Variants in PPM1M observed in about 807,000 individuals in gnomAD.
PPM1M encodes protein phosphatase 1M.
In PPM1M, 44 loss-of-function variants were observed where a neutral mutation model predicts 50.8. That is an observed-to-expected ratio of 0.87 (90% CI 0.68 to 1.11). PPM1M has a LOEUF of 1.11. PPM1M is among the 50% of genes most tolerant of loss of function. The pLI, the probability that PPM1M is intolerant of heterozygous loss-of-function variation, is 0.00. For missense variants in PPM1M, 556 were observed against 593.4 expected, an observed-to-expected ratio of 0.94 and a Z score of 0.66; for synonymous variants, 224 against 242.9, an observed-to-expected ratio of 0.92 and a Z score of 0.72.
chr3:52,246,774 G>T lies in PPM1M; in HGVS notation c.304G>T (p.Gly102Trp), dbSNP rs1367487091. ...GKLCIRRCEF[G>W]AEEEWLTLCP... is the part of the protein sequence containing the mutation. ...GCTGTGCATCCGGAGATGTGAGTTT[G>T]GGGCTGAAGAAGAGTGGCTGACCCT... The change falls in exon 2 of 10, where the codon GGG (glycine) becomes TGG (tryptophan). Residue 102 changes from glycine to tryptophan, a missense_variant. Gly to Trp is a radical substitution (Grantham distance 184). Coordinates refer to ENST00000323588, the MANE Select transcript of PPM1M (RefSeq NM_144641.4). 7.4e-7 allele frequency: 1 copy of T among 1,356,578 alleles called. No homozygotes were observed. Among genetic ancestry groups the T allele is most frequent in the Admixed American group, 2.2e-5 (1 of 45,044 alleles). The allele number at this position is 1,356,578 out of a possible 1,614,324, so 84.0% of individuals were successfully genotyped here.
In PPM1M at chr3:52,246,782, A is replaced by G. The variant is rs1699863929; in HGVS notation, c.312A>G (p.Glu104=). The G allele has an allele frequency of 7.3e-7, 1 of 1,368,468 alleles. No individual in the cohort carries two copies. Among genetic ancestry groups the G allele is most frequent in the African/African-American group, 1.5e-5 (1 of 68,274 alleles). 84.8% of individuals were successfully genotyped at this position (1,368,468 alleles called of 1,614,324 possible). ...LCIRRCEFGA[E]EEWLTLCPEE... is the part of the protein sequence containing the mutation. ...TCCGGAGATGTGAGTTTGGGGCTGA[A>G]GAAGAGTGGCTGACCCTGTGCCCAG... The change falls in exon 2 of 10, where the codon GAA becomes GAG. Residue 104 remains glutamate, a synonymous_variant. Transcript: ENST00000323588.
At position 52,246,976 on chromosome 3, in the gene PPM1M, C is replaced by G; in HGVS notation, c.345C>G (p.Phe115Leu). 1 of 1,540,036 alleles carries G rather than the reference C, an allele frequency of 6.5e-7. No individual in the cohort carries two copies. Among genetic ancestry groups the G allele is most frequent in the Non-Finnish European group, 8.8e-7 (1 of 1,141,648 alleles). Reference sequence around the variant, plus strand: ...GACACTGAGCCCTTCCTGTGCAGTTCCTGACAGGCCATTACTGGGCACTGT... The same window carrying G: ...GACACTGAGCCCTTCCTGTGCAGTTGCTGACAGGCCATTACTGGGCACTGT... ...EEWLTLCPEEFLTGHYWALFD... is the reference protein window; with the variant it reads ...EEWLTLCPEELLTGHYWALFD... The change falls in exon 3 of 10, where the codon TTC (phenylalanine) becomes TTG (leucine). Residue 115 changes from phenylalanine to leucine, a missense_variant and splice_region_variant. Phe to Leu is a conservative substitution (Grantham distance 22). Transcript: ENST00000323588.
rs772399025 is a variant in PPM1M at position 52,248,404 on chromosome 3, G to T, written c.865G>T (p.Asp289Tyr). Residue 289 changes from aspartate (D) to tyrosine (Y), a missense_variant, in exon 6 of 10, where the codon GAT becomes TAT. Asp to Tyr is a radical substitution (Grantham distance 160). Coordinates refer to ENST00000323588, the MANE Select transcript of PPM1M (RefSeq NM_144641.4). The stretch of plus-strand genomic sequence containing the variant: ...GGAGTTCCCTCGGCGGCTGAAGGGG[G>T]ATGACTTGGGACAGAAGGTTTTGTT... ...RLEFPRRLKG[D>Y]DLGQKVLFRD... 8 of 1,613,864 alleles carry T rather than the reference G, an allele frequency of 5.0e-6. No homozygotes were observed. Among genetic ancestry groups the T allele is most frequent in the South Asian group, 2.2e-5 (2 of 91,076 alleles).
Position 52,248,703 on chromosome 3 carries a change from C to A in PPM1M, c.978+3C>A. 6.2e-7 allele frequency: 1 copy of A among 1,613,374 alleles called. No homozygotes were observed. The highest frequency in any genetic ancestry group is 1.1e-5 in the South Asian group (1 of 91,054). ...TGATCCATGGACAGGGTAGGCAGGT[C>A]AGTGCCTGGTCCTCCTCAACCCCAA... On this transcript the variant is annotated splice_donor_region_variant and intron_variant, in intron 7 of 9. Coordinates refer to ENST00000323588, the MANE Select transcript of PPM1M (RefSeq NM_144641.4).
Position 52,247,139 on chromosome 3 carries a change from T to G in PPM1M, c.508T>G (p.Cys170Gly). The G allele has an allele frequency of 3.1e-6, 5 of 1,611,756 alleles. No individual in the cohort carries two copies. Among genetic ancestry groups the G allele is most frequent in the Non-Finnish European group, 4.2e-6 (5 of 1,178,996 alleles). Residue 170 changes from cysteine (C) to glycine (G), a missense_variant, in exon 3 of 10, where the codon TGC becomes GGC. By Grantham distance (159) the Cys-to-Gly change is radical. Transcript: ENST00000323588. ...CATGCACCTCAATGGCCGCTGCATC[T>G]GCCCCAGTGACCCTCAGTTTGTGGA... ...PPMHLNGRCI[C>G]PSDPQFVEEK... is the part of the protein sequence containing the mutation.
chr3:52,247,880 A>AG, intron 4 of PPM1M, 86 bp downstream of exon 4: 1 of 873,760 alleles, frequency 1.1e-6, no homozygotes, highest in Non-Finnish European at 1.9e-6. Flanking sequence ...CTGGAAGTGG[A>AG]GGGATAGTAG....
chr3:52,249,551 C>A, intron 9 of PPM1M, 119 bp from the exon 10 acceptor site: 1 of 1,454,862 alleles, frequency 6.9e-7, no homozygotes, highest in Non-Finnish European at 9.4e-7. Context: ...TTGCTTGGTC[C>A]ACAGTCGGAC....
Position 52,246,062 on chromosome 3 carries a change from C to G in PPM1M, c.224+14C>G, listed in dbSNP as rs1433660797. 39 of 1,107,366 alleles carry G rather than the reference C, an allele frequency of 3.5e-5. No individual in the cohort carries two copies. The highest frequency in any genetic ancestry group is 5.7e-4 in the Middle Eastern group (2 of 3,506). The allele number at this position is 1,107,366 out of a possible 1,614,324, so 68.6% of individuals were successfully genotyped here. On this transcript the variant is annotated intron_variant, in intron 1 of 9. Transcript: ENST00000323588. ...AGGCTACGCCGAGTGAGTGCCCCTC[C>G]CCGACCCCCAGCTCAGGCCCGGGCC...
Position 52,247,163 on chromosome 3 carries a change from G to C in PPM1M, c.532G>C (p.Glu178Gln). 1 of 1,613,128 alleles carries C rather than the reference G, an allele frequency of 6.2e-7. No homozygotes were observed. The highest frequency in any genetic ancestry group is 1.3e-5 in the African/African-American group (1 of 75,058). Residue 178 changes from glutamate to glutamine, a missense_variant, in exon 3 of 10, where the codon GAG (glutamate) becomes CAG (glutamine). Glu to Gln is a conservative substitution (Grantham distance 29, BLOSUM62 2). Transcript: ENST00000323588. ...CICPSDPQFV[E>Q]EKGIRAEDLV... is the part of the protein sequence containing the mutation. Reference sequence around the variant, plus strand: ...CTGCCCCAGTGACCCTCAGTTTGTGGAGGAAAAGGGCATCAGGGCAGAAGA... The same window carrying C: ...CTGCCCCAGTGACCCTCAGTTTGTGCAGGAAAAGGGCATCAGGGCAGAAGA...
Position 52,247,728 on chromosome 3 carries a change from G to A in PPM1M, c.644G>A (p.Gly215Asp). Residue 215 changes from glycine to aspartate, a missense_variant, in exon 4 of 10, where the codon GGC (glycine) becomes GAC (aspartate). Gly to Asp is a moderately conservative substitution (Grantham distance 94). Transcript: ENST00000323588. ...RELEASGQMG[G>D]CTALVAVSLQ... Reference sequence around the variant, plus strand: ...CTGGAGGCCTCAGGCCAGATGGGCGGCTGCACAGCCCTGGTGGCTGTGTCC... The same window carrying A: ...CTGGAGGCCTCAGGCCAGATGGGCGACTGCACAGCCCTGGTGGCTGTGTCC... 1 of 1,607,856 alleles carries A rather than the reference G, an allele frequency of 6.2e-7. No individual in the cohort carries two copies. Among genetic ancestry groups the A allele is most frequent in the Admixed American group, 1.7e-5 (1 of 59,064 alleles).
intron 4 of PPM1M, 141 bp from the exon 5 acceptor site, chr3:52,248,012 C>G: frequency 7.3e-6 from 6 of 827,230 alleles, no homozygotes; most frequent in Non-Finnish European, 7.9e-6. Flanking sequence ...CCTTGCAGGT[C>G]TTAGGTAGTC....
At chr3:52,246,190 C>T (rs1005986768) in intron 1 of PPM1M, 142 bp downstream of exon 1, 5 of 1,012,504 alleles carry the variant, frequency 4.9e-6, no homozygotes, top group Non-Finnish European at 5.9e-6. Context: ...CCTCCGAATC[C>T]TGACAACTTC....
chr3:52,248,743 T>G lies in PPM1M; in HGVS notation c.978+43T>G, dbSNP rs555993841. ...CTCAACCCCAAGAATCCCTCTTCAT[T>G]GTCCCCTGCAGAGGTGGGAGCTCCT... is the stretch of plus-strand genomic sequence containing the variant. On this transcript the variant is annotated intron_variant, in intron 7 of 9. Transcript: ENST00000323588. The G allele has an allele frequency of 3.1e-5, 49 of 1,593,102 alleles. No individual in the cohort carries two copies. The South Asian group carries it at 5.1e-4, about 16-fold the overall frequency.
rs1699861670 is a variant in PPM1M at position 52,246,693 on chromosome 3, A to T, written c.225-2A>T. The T allele has an allele frequency of 3.1e-6, 4 of 1,305,216 alleles. No individual in the cohort carries two copies. The highest frequency in any genetic ancestry group is 2.3e-5 in the Admixed American group (1 of 43,592). The allele number at this position is 1,305,216 out of a possible 1,614,324, so 80.9% of individuals were successfully genotyped here. A position where few individuals can be genotyped will look rare whatever the true frequency, so the allele number is the denominator to read the frequency against. On this transcript the variant is annotated splice_acceptor_variant, in intron 1 of 9. Coordinates refer to ENST00000323588, the MANE Select transcript of PPM1M (RefSeq NM_144641.4). LOFTEE classifies it high-confidence loss of function. ...GGGTCGCTTACCATTTCCCGGCCTC[A>T]GGATTATCAATGCAGAGAAATCTGA... is the stretch of plus-strand genomic sequence containing the variant.
intron 7 of PPM1M, 49 bp from the exon 8 acceptor site, chr3:52,248,907 G>C: frequency 6.9e-7 from 1 of 1,441,202 alleles, no homozygotes; most frequent in Non-Finnish European, 9.6e-7. Flanking sequence ...TGGTACTTGT[G>C]CATTTGCTGG....
At position 52,249,808 on chromosome 3, in the gene PPM1M, C is replaced by G; in HGVS notation, c.1374C>G (p.Asp458Glu). The change falls in exon 10 of 10, where the codon GAC (aspartate) becomes GAG (glutamate). Residue 458 changes from aspartate to glutamate, a missense_variant. Coordinates refer to ENST00000323588, the MANE Select transcript of PPM1M (RefSeq NM_144641.4). ...PLHSQGQESS[D>E]H is the part of the protein sequence containing the mutation. The stretch of plus-strand genomic sequence containing the variant: ...ACAGTCAGGGCCAAGAGAGCAGTGA[C>G]CACTGAGGATTCAGACACTGTATCC... The G allele has an allele frequency of 6.2e-7, 1 of 1,612,632 alleles. No individual in the cohort carries two copies. The highest frequency in any genetic ancestry group is 8.5e-7 in the Non-Finnish European group (1 of 1,179,344).
Position 52,249,994 on chromosome 3 carries a change from G to C in PPM1M, c.*180G>C. The C allele has an allele frequency of 1.6e-6, 1 of 611,896 alleles. No individual in the cohort carries two copies. Among genetic ancestry groups the C allele is most frequent in the Admixed American group, 2.7e-5 (1 of 36,654 alleles). The allele number at this position is 611,896 out of a possible 1,614,324, so 37.9% of individuals were successfully genotyped here. ...CATTTATACCAGGCAGTCAGAGCTG[G>C]AAGTGTATGGAGAGCCCAGCCCACC... On this transcript the variant is annotated 3_prime_UTR_variant, in exon 10 of 10. Transcript: ENST00000323588.
intron 4 of PPM1M, 131 bp from the exon 5 acceptor site, chr3:52,248,022 C>A: frequency 2.3e-6 from 2 of 872,090 alleles, no homozygotes; most frequent in African/African-American, 1.7e-5. Flanking sequence ...CTTAGGTAGT[C>A]ATGGAGGGCT....
intron 4 of PPM1M, 35 bp from the exon 5 acceptor site, chr3:52,248,118 T>G (rs1375042283): frequency 3.8e-6 from 6 of 1,567,658 alleles, no homozygotes; most frequent in Non-Finnish European, 8.7e-7. Flanking sequence ...GGTGGAGGCC[T>G]CCTCCTAGAC....
Sources: allele counts gnomAD v4.1 joint callset, GRCh38; gene constraint gnomAD v4.1.1; transcripts MANE v1.5; gene names NCBI Gene and HGNC (gene_info 2026-07-23, HGNC 2026-07-21).